Variants in RAPGEF2 observed in about 807,000 individuals in gnomAD.
RAPGEF2 encodes Rap guanine nucleotide exchange factor 2.
A neutral mutation model predicts 186.7 loss-of-function variants in RAPGEF2; 54 were observed. That is an observed-to-expected ratio of 0.29 (90% CI 0.23 to 0.36). The LOEUF is 0.36. RAPGEF2 is among the 10% of genes least tolerant of loss of function. The probability of loss-of-function intolerance (pLI) is 1.00; values close to 1 mark genes in which losing one functional copy is unlikely to be tolerated. For missense variants in RAPGEF2, 1,532 were observed against 2,045.0 expected (o/e 0.75, Z 4.84); for synonymous variants, 712 against 705.9 (o/e 1.01, Z -0.14).
chr4:159,145,943 T>A (rs1353764880), intron 1 of RAPGEF2, among the ~76,000 whole-genome samples: 1 of 151,972 alleles, frequency 6.6e-6, no homozygotes, highest in Non-Finnish European at 1.5e-5. Flanking sequence ...TTCAGAAAAG[T>A]GGGAAAGGAA....
chr4:159,233,556 A>G (rs1434409664), intron 4 of RAPGEF2, among the ~76,000 whole-genome samples: 1 of 152,110 alleles, frequency 6.6e-6, no homozygotes, highest in Non-Finnish European at 1.5e-5. Flanking sequence ...CTCACTCATA[A>G]GTGGGAGCTA....
At chr4:159,192,047 C>A (rs1748179078) in intron 2 of RAPGEF2, among the ~76,000 whole-genome samples, 1 of 152,084 alleles carries the variant, frequency 6.6e-6, no homozygotes, top group Non-Finnish European at 1.5e-5. Context: ...CCCTTCTATT[C>A]CAACAGGAAA....
intron 23 of RAPGEF2, among the ~76,000 whole-genome samples, 197 bp downstream of exon 23, chr4:159,344,256 T>C (rs902718165): frequency 1.3e-5 from 2 of 152,202 alleles, no homozygotes; most frequent in African/African-American, 4.8e-5. Context: ...TCATGATCCA[T>C]GAGAGCTGTG....
intron 1 of RAPGEF2, among the ~76,000 whole-genome samples, chr4:159,126,286 C>T (rs987295454): frequency 6.6e-6 from 1 of 152,092 alleles, no homozygotes; most frequent in Non-Finnish European, 1.5e-5. Flanking sequence ...AAACACCTAT[C>T]TCCAAATTGG....
intron 1 of RAPGEF2, among the ~76,000 whole-genome samples, chr4:159,152,805 G>A (rs1392207894): frequency 6.6e-6 from 1 of 152,130 alleles, no homozygotes; most frequent in African/African-American, 2.4e-5. Context: ...ATTTTTAGTA[G>A]AGACGGGGTT....
chr4:159,288,303 G>T (rs1170920856), intron 7 of RAPGEF2, among the ~76,000 whole-genome samples: 2 of 152,172 alleles, frequency 1.3e-5, no homozygotes, highest in South Asian at 4.1e-4. Flanking sequence ...TAGGAAGCCA[G>T]TACTAAAGTA....
intron 3 of RAPGEF2, among the ~76,000 whole-genome samples, chr4:159,199,335 C>A (rs1749158648): frequency 6.6e-6 from 1 of 152,104 alleles, no homozygotes; most frequent in Admixed American, 6.5e-5. Context: ...TTATGTTGAG[C>A]AGAAGAGTAT....
In RAPGEF2 at chr4:159,199,856, A is replaced by T. The variant is rs565072866; in HGVS notation, c.197+6600A>T. On this transcript the variant is annotated intron_variant, in intron 3 of 29. Coordinates refer to ENST00000691494, the MANE Select transcript of RAPGEF2 (RefSeq NM_001394067.2). ...AGACCCAGGTGACTCCAGGTGAGAAACAGGTTTCTTGTGAAGATAAAATTG... is the reference window on the plus strand; with the variant it reads ...AGACCCAGGTGACTCCAGGTGAGAATCAGGTTTCTTGTGAAGATAAAATTG... Among the ~76,000 whole-genome samples the T allele has an allele frequency of 4.8e-3, 736 of 152,308 alleles. 2 individuals are homozygous for T. Among genetic ancestry groups the T allele is most frequent in the African/African-American group, 0.017 (690 of 41,550 alleles).
rs1207448523 is a variant in RAPGEF2 at position 159,332,615 on chromosome 4, G to A, written c.2053G>A (p.Ala685Thr). The change falls in exon 17 of 30, where the codon GCC becomes ACC. Residue 685 changes from alanine to threonine, a missense_variant. Ala to Thr is a moderately conservative substitution (Grantham distance 58). This residue lies in a region of RAPGEF2 where 810 missense variants were observed against 1,210.5 expected (regional missense o/e 0.67). Coordinates refer to ENST00000691494, the MANE Select transcript of RAPGEF2 (RefSeq NM_001394067.2). ...TGAAAAAGTGAACAAAAAAAGTAAAGCCAACACTGTGGGAGGAAGGAACAA... is the reference window on the plus strand; with the variant it reads ...TGAAAAAGTGAACAAAAAAAGTAAAACCAACACTGTGGGAGGAAGGAACAA... ...GLEKVNKKSK[A>T]NTVGGRNKLK... The A allele has an allele frequency of 1.9e-6, 3 of 1,613,998 alleles. No individual in the cohort carries two copies. The highest frequency in any genetic ancestry group is 2.5e-6 in the Non-Finnish European group (3 of 1,180,014).
chr4:159,275,243 C>T lies in RAPGEF2; in HGVS notation c.544-29099C>T, dbSNP rs190791583. Among the ~76,000 whole-genome samples, 65 of 152,230 alleles carry T rather than the reference C, an allele frequency of 4.3e-4. 1 individual carries two copies. Among genetic ancestry groups the T allele is most frequent in the African/African-American group, 1.4e-3 (57 of 41,554 alleles). The stretch of plus-strand genomic sequence containing the variant: ...TGCTTCAGATCTCTTCATTCTACAT[C>T]AATAGACCAAATTCTCTTTTACAAC... On this transcript the variant is annotated intron_variant, in intron 7 of 29. Transcript: ENST00000691494.
At chr4:159,293,598 C>T (rs541495520) in intron 7 of RAPGEF2, among the ~76,000 whole-genome samples, 1 of 152,302 alleles carries the variant, frequency 6.6e-6, no homozygotes, top group Non-Finnish European at 1.5e-5. Context: ...GAAGAATTTT[C>T]AGTTATAGGT....
intron 1 of RAPGEF2, among the ~76,000 whole-genome samples, chr4:159,137,022 G>T (rs1172349645): frequency 6.6e-6 from 1 of 152,122 alleles, no homozygotes; most frequent in Non-Finnish European, 1.5e-5. Flanking sequence ...AATCATCATA[G>T]GTTATTTGTA....
intron 7 of RAPGEF2, among the ~76,000 whole-genome samples, chr4:159,287,839 C>T (rs1760706670): frequency 6.6e-6 from 1 of 152,136 alleles, no homozygotes; most frequent in South Asian, 2.1e-4. Context: ...TAATTCACCT[C>T]TCTTGATATC....
At chr4:159,121,381 G>GAGAT (rs1209871602) in intron 1 of RAPGEF2, among the ~76,000 whole-genome samples, 1 of 145,306 alleles carries the variant, frequency 6.9e-6, no homozygotes, top group Non-Finnish European at 1.5e-5. Context: ...TTTCCTTTCT[G>GAGAT]AGATAGGGTC....
At chr4:159,147,876 C>T (rs1370612910) in intron 1 of RAPGEF2, among the ~76,000 whole-genome samples, 4 of 152,138 alleles carry the variant, frequency 2.6e-5, no homozygotes, top group African/African-American at 9.7e-5. Context: ...AGGATTAAAT[C>T]GGATGAAAAG....
At position 159,343,150 on chromosome 4, in the gene RAPGEF2, A is replaced by G. The variant is rs761970722; in HGVS notation, c.3090A>G (p.Leu1030=). The G allele has an allele frequency of 6.2e-7, 1 of 1,614,112 alleles. No homozygotes were observed. Among genetic ancestry groups the G allele is most frequent in the Admixed American group, 1.7e-5 (1 of 60,024 alleles). ...ATCTACAACCTCCCATAATCCCTCT[A>G]TTCCCAGTTATCAAAAAGGATCTCA... The part of the protein sequence containing the change: ...SQNLQPPIIP[L]FPVIKKDLTF... Residue 1030 remains leucine (L), a synonymous_variant, in exon 21 of 30, where the codon CTA becomes CTG. Transcript: ENST00000691494.
intron 1 of RAPGEF2, among the ~76,000 whole-genome samples, chr4:159,112,313 G>A (rs1035363776): frequency 1.6e-4 from 24 of 152,036 alleles, no homozygotes; most frequent in Non-Finnish European, 5.9e-5. Context: ...ATAAGGTCTT[G>A]GATGAGCAAG....
chr4:159,324,804 G>T (rs1447777381), intron 11 of RAPGEF2, among the ~76,000 whole-genome samples: 1 of 152,038 alleles, frequency 6.6e-6, no homozygotes, highest in Non-Finnish European at 1.5e-5. Flanking sequence ...GATTTAACTG[G>T]CAACCACTAT....
At chr4:159,177,333 G>C (rs944880764) in intron 1 of RAPGEF2, among the ~76,000 whole-genome samples, 1 of 151,124 alleles carries the variant, frequency 6.6e-6, no homozygotes, top group African/African-American at 2.4e-5. Flanking sequence ...GATTACTTGT[G>C]CTTTTATTCA....
Sources: allele counts gnomAD v4.1 joint callset (sites outside exome capture counted in the v4.1 genomes callset), GRCh38; gene constraint gnomAD v4.1.1; regional missense constraint gnomAD v4.1.1; transcripts MANE v1.5; gene names NCBI Gene and HGNC (gene_info 2026-07-23, HGNC 2026-07-21).